Variants in TANC1 observed in about 807,000 individuals in gnomAD.
The protein encoded by TANC1 is protein TANC1.
A neutral mutation model predicts 149.7 loss-of-function variants in TANC1; 77 were observed. The observed-to-expected ratio is 0.51, with a 90% CI of 0.43 to 0.62. The LOEUF (loss-of-function observed/expected upper bound fraction) is 0.62, where lower values mean the gene tolerates loss of function less well. Among genes scored for constraint, TANC1 ranks in the 20% least tolerant of loss-of-function variants. The pLI, the probability that TANC1 is intolerant of heterozygous loss-of-function variation, is 0.00. For synonymous variants in TANC1, 854 were observed against 925.0 expected, an observed-to-expected ratio of 0.92 and a Z score of 1.39; for missense variants, 1,985 against 2,321.8, an observed-to-expected ratio of 0.85 and a Z score of 2.98.
intron 3 of TANC1, among the ~76,000 whole-genome samples, chr2:159,095,048 T>C (rs375301641): frequency 5.4e-4 from 82 of 151,962 alleles, no homozygotes; most frequent in African/African-American, 1.9e-3. Flanking sequence ...TGGGTTCAAG[T>C]GATACTCCTG....
At chr2:159,212,219 A>T (rs1195505665) in intron 19 of TANC1, among the ~76,000 whole-genome samples, 1 of 152,210 alleles carries the variant, frequency 6.6e-6, no homozygotes, top group Admixed American at 6.5e-5. Context: ...ATTCCTTTGC[A>T]TGGCATCATG....
chr2:159,078,551 A>G (rs967707264), intron 3 of TANC1, among the ~76,000 whole-genome samples: 11 of 152,158 alleles, frequency 7.2e-5, no homozygotes, highest in African/African-American at 2.7e-4. Context: ...AGCTCTCTTT[A>G]TTTCCCTGCT....
chr2:159,075,288 C>T (rs1320896554), intron 3 of TANC1, among the ~76,000 whole-genome samples: 1 of 152,012 alleles, frequency 6.6e-6, no homozygotes, highest in Non-Finnish European at 1.5e-5. Context: ...GAAAAATACG[C>T]TGGGCCCAGT....
At chr2:159,114,781 C>A (rs1213366924) in intron 4 of TANC1, among the ~76,000 whole-genome samples, 1 of 152,168 alleles carries the variant, frequency 6.6e-6, no homozygotes, top group Non-Finnish European at 1.5e-5. Context: ...GCTCTTACTC[C>A]CCCAGTTCTC....
intron 4 of TANC1, among the ~76,000 whole-genome samples, chr2:159,115,336 C>A (rs1432552751): frequency 1.3e-5 from 2 of 152,054 alleles, no homozygotes. Flanking sequence ...TCACACAGGC[C>A]TCCTTGGGGT....
Position 159,227,803 on chromosome 2 carries a change from G to T in TANC1, c.3904-16G>T, listed in dbSNP as rs1440508477. ...CCTCTGAAAAAGGACAAATGTTTGT[G>T]ATTTTTGAATCCTAGAAAGGGAAAA... is the stretch of plus-strand genomic sequence containing the variant. On this transcript the variant is annotated splice_polypyrimidine_tract_variant and intron_variant, in intron 24 of 26. Coordinates refer to ENST00000263635, the MANE Select transcript of TANC1 (RefSeq NM_033394.3). 6.2e-7 allele frequency: 1 copy of T among 1,612,824 alleles called. No individual in the cohort carries two copies. The highest frequency in any genetic ancestry group is 1.7e-5 in the Admixed American group (1 of 59,700).
intron 4 of TANC1, among the ~76,000 whole-genome samples, chr2:159,130,386 T>C (rs1467255011): frequency 6.6e-6 from 1 of 152,122 alleles, no homozygotes; most frequent in Non-Finnish European, 1.5e-5. Context: ...GAGGGGAAGG[T>C]GCTGGGCAGT....
At chr2:159,083,046 A>G (rs1387195215) in intron 3 of TANC1, among the ~76,000 whole-genome samples, 1 of 152,144 alleles carries the variant, frequency 6.6e-6, no homozygotes, top group Admixed American at 6.5e-5. Flanking sequence ...CCTGGGTTCA[A>G]GTGATTCTCC....
chr2:159,087,129 G>A (rs1278747214), intron 3 of TANC1, among the ~76,000 whole-genome samples: 1 of 138,684 alleles, frequency 7.2e-6, no homozygotes, highest in Non-Finnish European at 1.6e-5. Context: ...TGCACTGTGG[G>A]GTGAAGGATG....
At chr2:159,138,327 C>T (rs934585606) in intron 5 of TANC1, among the ~76,000 whole-genome samples, 6 of 152,118 alleles carry the variant, frequency 3.9e-5, no homozygotes, top group Non-Finnish European at 7.4e-5. Context: ...CTGAAGATAG[C>T]CATGATGTTG....
intron 4 of TANC1, among the ~76,000 whole-genome samples, chr2:159,106,199 G>A (rs1350212047): frequency 2.0e-5 from 3 of 151,966 alleles, no homozygotes; most frequent in African/African-American, 7.3e-5. Context: ...TTTTCACAGG[G>A]TTGTGCAACC....
rs1405537711 is a variant in TANC1, at chr2:159,136,054, G to A, written c.260-140G>A. 3.8e-5 allele frequency: 17 copies of A among 448,816 alleles called. 1 individual carries two copies. Among genetic ancestry groups the A allele is most frequent in the East Asian group, 1.0e-4 (1 of 9,680 alleles). The allele number at this position is 448,816 out of a possible 1,614,324, so 27.8% of individuals were successfully genotyped here. ...TGTGTGTGTGTGTGTGTGTGTGCGC[G>A]CGCGCGCGTTTAAGGGAGGGGAAGG... On this transcript the variant is annotated intron_variant, in intron 4 of 26. Coordinates refer to ENST00000263635, the MANE Select transcript of TANC1 (RefSeq NM_033394.3).
intron 2 of TANC1, among the ~76,000 whole-genome samples, chr2:159,053,318 C>G (rs1274914092): frequency 1.3e-5 from 2 of 152,124 alleles, no homozygotes; most frequent in Non-Finnish European, 2.9e-5. Context: ...ATTGTCCTTG[C>G]CCATATGCCC....
At chr2:159,044,075 G>C (rs1468299536) in intron 2 of TANC1, among the ~76,000 whole-genome samples, 3 of 152,130 alleles carry the variant, frequency 2.0e-5, no homozygotes, top group African/African-American at 7.2e-5. Context: ...TTAGGAACTT[G>C]GGGAAACTTG....
At chr2:159,218,055 G>GT (rs2059459159) in intron 20 of TANC1, among the ~76,000 whole-genome samples, 1 of 148,646 alleles carries the variant, frequency 6.7e-6, no homozygotes, top group Non-Finnish European at 1.5e-5. Context: ...TTCAGGCTGG[G>GT]TTTTTTGTTT....
At chr2:159,040,765 A>G (rs1452242895) in intron 2 of TANC1, among the ~76,000 whole-genome samples, 2 of 152,194 alleles carry the variant, frequency 1.3e-5, no homozygotes, top group African/African-American at 4.8e-5. Context: ...ACTTCTGTCA[A>G]CTAGTCAAAG....
chr2:159,219,974 G>GAT lies in TANC1; in HGVS notation c.3678+108_3678+109insTA, dbSNP rs766232178. 4 of 659,628 alleles carry GAT rather than the reference G, an allele frequency of 6.1e-6. No homozygotes were observed. The African/African-American group carries it at 6.4e-5, about 11-fold the overall frequency. 40.9% of individuals were successfully genotyped at this position (659,628 alleles called of 1,614,324 possible). A position where few individuals can be genotyped will look rare whatever the true frequency, so the allele number is the denominator to read the frequency against. ...ATGAGGTTGTGTCTCAGTGTCATCA[G>GAT]AGAGTGTGTGTGTGTGTGTGTGTGT... is the stretch of plus-strand genomic sequence containing the variant. On this transcript the variant is annotated intron_variant, in intron 22 of 26. Coordinates refer to ENST00000263635, the MANE Select transcript of TANC1 (RefSeq NM_033394.3).
chr2:159,019,317 A>C (rs570703846), intron 2 of TANC1, among the ~76,000 whole-genome samples: 71 of 152,334 alleles, frequency 4.7e-4, no homozygotes, highest in Non-Finnish European at 8.2e-4. Flanking sequence ...ATGGGAATAG[A>C]GATTCTGCAC....
chr2:159,154,243 A>G (rs2053181031), intron 7 of TANC1, among the ~76,000 whole-genome samples: 1 of 152,156 alleles, frequency 6.6e-6, no homozygotes, highest in Non-Finnish European at 1.5e-5. Flanking sequence ...GAAATTTCAG[A>G]CAATGCTAAA....
Sources: gnomAD v4.1 joint callset for allele counts (sites outside exome capture counted in the v4.1 genomes callset) on GRCh38, gnomAD v4.1.1 for gene constraint, MANE v1.5 for transcripts, NCBI Gene and HGNC (gene_info 2026-07-23, HGNC 2026-07-21) for gene names.